The following CNTNAP2 variants were observed in gnomAD, a reference collection of about 807,000 sequenced individuals.
CNTNAP2 encodes contactin-associated protein-like 2.
In CNTNAP2, 98 loss-of-function variants were observed where a neutral mutation model predicts 155.2. That is an observed-to-expected ratio of 0.63 (90% CI 0.54 to 0.75). The LOEUF (loss-of-function observed/expected upper bound fraction) is 0.75. Among genes scored for constraint, CNTNAP2 ranks in the 30% least tolerant of loss-of-function variants. The probability of loss-of-function intolerance (pLI) is 0.00; values close to 1 mark genes in which losing one functional copy is unlikely to be tolerated. For synonymous variants in CNTNAP2, 651 were observed against 631.2 expected, an observed-to-expected ratio of 1.03 and a Z score of -0.47; for missense variants, 1,727 against 1,688.1, an observed-to-expected ratio of 1.02 and a Z score of -0.40.
chr7:147,209,155 G>C (rs1180562189), intron 8 of CNTNAP2, among the ~76,000 whole-genome samples: 2 of 152,022 alleles, frequency 1.3e-5, no homozygotes, highest in Non-Finnish European at 2.9e-5. Flanking sequence ...GAATAGCATT[G>C]AATTTGCAGA....
chr7:146,880,813 T>C (rs949866642), intron 3 of CNTNAP2, among the ~76,000 whole-genome samples: 1 of 152,154 alleles, frequency 6.6e-6, no homozygotes, highest in African/African-American at 2.4e-5. Flanking sequence ...TTTATTATCT[T>C]TTAATCTGTT....
Position 147,519,461 on chromosome 7 carries a change from A to G in CNTNAP2, c.1777+33420A>G, listed in dbSNP as rs865932878. ...TCACATCTGCAAAATCCCTTTTGTC[A>G]TATAAAGTAATTTATCCACAGGTTT... On this transcript the variant is annotated intron_variant, in intron 11 of 23. Coordinates refer to ENST00000361727, the MANE Select transcript of CNTNAP2 (RefSeq NM_014141.6). Among the ~76,000 whole-genome samples, 6 of 152,234 alleles carry G rather than the reference A, an allele frequency of 3.9e-5. No homozygotes were observed. The South Asian group carries it at 8.3e-4, about 21-fold the overall frequency.
intron 1 of CNTNAP2, among the ~76,000 whole-genome samples, chr7:146,232,857 T>A (rs1799409120): frequency 6.6e-6 from 1 of 152,058 alleles, no homozygotes; most frequent in African/African-American, 2.4e-5. Context: ...AAAAACAATG[T>A]CAAAGACATT....
chr7:146,332,745 T>C (rs1249022234), intron 1 of CNTNAP2, among the ~76,000 whole-genome samples: 1 of 152,178 alleles, frequency 6.6e-6, no homozygotes, highest in East Asian at 1.9e-4. Context: ...GTAAATATTA[T>C]TTAACATGAA....
chr7:147,071,971 G>A (rs1799901122), intron 4 of CNTNAP2, among the ~76,000 whole-genome samples: 1 of 152,098 alleles, frequency 6.6e-6, no homozygotes, highest in East Asian at 1.9e-4. Context: ...CTGCCTTTGT[G>A]GGGAGACTGA....
intron 11 of CNTNAP2, among the ~76,000 whole-genome samples, chr7:147,533,144 G>A (rs560674585): frequency 1.3e-5 from 2 of 152,250 alleles, no homozygotes; most frequent in Admixed American, 1.3e-4. Context: ...AGCTATAGCT[G>A]GAATTCAGTT....
At chr7:147,861,844 C>A (rs1187734547) in intron 13 of CNTNAP2, among the ~76,000 whole-genome samples, 1 of 151,678 alleles carries the variant, frequency 6.6e-6, no homozygotes, top group Non-Finnish European at 1.5e-5. Context: ...GGTAAAACCC[C>A]ATGTCTAATA....
At chr7:147,295,668 T>C (rs1299951973) in intron 8 of CNTNAP2, among the ~76,000 whole-genome samples, 1 of 152,184 alleles carries the variant, frequency 6.6e-6, no homozygotes, top group Non-Finnish European at 1.5e-5. Context: ...TCTTACAAGA[T>C]GTAGACAAAA....
intron 3 of CNTNAP2, among the ~76,000 whole-genome samples, chr7:146,892,870 A>G (rs1795808079): frequency 6.6e-6 from 1 of 152,326 alleles, no homozygotes; most frequent in African/African-American, 2.4e-5. Context: ...TTGCAAAATT[A>G]TTCCAGATAG....
At chr7:146,954,240 A>T (rs1364490623) in intron 3 of CNTNAP2, among the ~76,000 whole-genome samples, 1 of 151,892 alleles carries the variant, frequency 6.6e-6, no homozygotes, top group Non-Finnish European at 1.5e-5. Context: ...AACTGCTACT[A>T]TTTTTTCTAA....
intron 8 of CNTNAP2, among the ~76,000 whole-genome samples, chr7:147,269,148 C>T (rs1804683895): frequency 6.6e-6 from 1 of 152,146 alleles, no homozygotes; most frequent in Admixed American, 6.5e-5. Context: ...ATTCACCTTG[C>T]AGTAAATTCT....
chr7:147,541,663 G>A (rs1799642750), intron 11 of CNTNAP2, among the ~76,000 whole-genome samples: 1 of 152,194 alleles, frequency 6.6e-6, no homozygotes, highest in African/African-American at 2.4e-5. Flanking sequence ...AGCAGGTCAT[G>A]AATTATTCAA....
intron 10 of CNTNAP2, among the ~76,000 whole-genome samples, chr7:147,422,193 AG>A (rs1466868979): frequency 6.7e-6 from 1 of 148,204 alleles, no homozygotes; most frequent in African/African-American, 2.5e-5. Flanking sequence ...TACACTATAT[AG>A]TATGTATATA....
chr7:146,583,533 CTT>C (rs1798643719), intron 1 of CNTNAP2, among the ~76,000 whole-genome samples: 1 of 152,028 alleles, frequency 6.6e-6, no homozygotes, highest in Non-Finnish European at 1.5e-5. Context: ...TTGGGCTTAG[CTT>C]TTTAACACAC....
intron 1 of CNTNAP2, among the ~76,000 whole-genome samples, chr7:146,271,652 A>G (rs1800083999): frequency 6.6e-6 from 1 of 151,818 alleles, no homozygotes; most frequent in African/African-American, 2.4e-5. Flanking sequence ...TCAAGGAGAA[A>G]TGTTAAATGA....
chr7:146,796,794 A>G (rs1402947579), intron 2 of CNTNAP2, among the ~76,000 whole-genome samples: 3 of 152,036 alleles, frequency 2.0e-5, no homozygotes, highest in East Asian at 3.9e-4. Flanking sequence ...AAGTTAATAC[A>G]TGTAATGCAT....
intron 20 of CNTNAP2, among the ~76,000 whole-genome samples, chr7:148,248,686 T>C (rs1718222312): frequency 1.3e-5 from 2 of 152,202 alleles, no homozygotes; most frequent in Non-Finnish European, 1.5e-5. Flanking sequence ...TTTGGGGATA[T>C]TATGACTACA....
chr7:147,094,286 C>T (rs1800475952), intron 4 of CNTNAP2, among the ~76,000 whole-genome samples: 1 of 152,132 alleles, frequency 6.6e-6, no homozygotes, highest in Non-Finnish European at 1.5e-5. Flanking sequence ...CTTAGGTATA[C>T]CTTAAGAAGA....
At chr7:146,386,458 G>C (rs1004703266) in intron 1 of CNTNAP2, among the ~76,000 whole-genome samples, 1 of 152,072 alleles carries the variant, frequency 6.6e-6, no homozygotes, top group Non-Finnish European at 1.5e-5. Flanking sequence ...GCATGATCTT[G>C]GCTCACTGAA....
Sources: allele counts gnomAD v4.1 joint callset (sites outside exome capture counted in the v4.1 genomes callset), GRCh38; gene constraint gnomAD v4.1.1; transcripts MANE v1.5; gene names NCBI Gene and HGNC (gene_info 2026-07-23, HGNC 2026-07-21).